Variants in DPP6 observed in about 807,000 individuals in gnomAD.
DPP6 encodes the protein dipeptidyl peptidase like 6.
Under a neutral mutation model 122.6 loss-of-function variants are expected in DPP6, and 69 were observed. The observed-to-expected ratio is 0.56, with a 90% CI of 0.46 to 0.69. The LOEUF (loss-of-function observed/expected upper bound fraction) is 0.69. Ranked by LOEUF, DPP6 falls within the 30% of genes least tolerant of loss-of-function variation. The pLI, the probability that DPP6 is intolerant of heterozygous loss-of-function variation, is 0.00. For missense variants in DPP6, 928 were observed against 1,116.9 expected (o/e 0.83, Z 2.41); for synonymous variants, 418 against 433.1 (o/e 0.97, Z 0.43).
rs145908229 is a variant in DPP6, at chr7:154,596,391, G to A, written c.627+29475G>A. On this transcript the variant is annotated intron_variant, in intron 5 of 25. Coordinates refer to ENST00000377770, the MANE Select transcript of DPP6 (RefSeq NM_130797.4). ...CGCAAGTGCCAGGAATTCACATTCCGCTGACGCGGGAACACGGGCAGTGTA... is the reference window on the plus strand; with the variant it reads ...CGCAAGTGCCAGGAATTCACATTCCACTGACGCGGGAACACGGGCAGTGTA... 1.1e-3 allele frequency among the ~76,000 whole-genome samples: 170 copies of A among 152,360 alleles called. 1 individual carries two copies. The highest frequency in any genetic ancestry group is 3.6e-3 in the African/African-American group (151 of 41,586).
chr7:154,534,568 TTTATAA>T (rs139077991), intron 3 of DPP6, among the ~76,000 whole-genome samples: 4,904 of 152,172 alleles, frequency 0.032, 265 homozygotes, highest in African/African-American at 0.11. Flanking sequence ...CAAAATTAAC[TTTATAA>T]TTACAAACTA....
chr7:154,567,892 T>TA (rs761956879), intron 5 of DPP6, among the ~76,000 whole-genome samples: 4 of 152,240 alleles, frequency 2.6e-5, no homozygotes, highest in Non-Finnish European at 4.4e-5. Context: ...TCTGAATTCT[T>TA]AAACTTTCTT....
chr7:153,985,618 A>G (rs1191701225), intron 1 of DPP6, among the ~76,000 whole-genome samples: 1 of 152,212 alleles, frequency 6.6e-6, no homozygotes, highest in African/African-American at 2.4e-5. Context: ...CTTTGTACTC[A>G]GTAGATTATA....
At chr7:154,251,091 TAA>T (rs1451642028) in intron 1 of DPP6, among the ~76,000 whole-genome samples, 1 of 152,260 alleles carries the variant, frequency 6.6e-6, no homozygotes, top group African/African-American at 2.4e-5. Context: ...AAAATGTTTA[TAA>T]GAGTCTGGCT....
At chr7:154,690,438 C>A (rs981374665) in intron 7 of DPP6, among the ~76,000 whole-genome samples, 10 of 152,128 alleles carry the variant, frequency 6.6e-5, no homozygotes, top group Admixed American at 6.5e-4. Context: ...TTGTAGAAAG[C>A]AGAACTTCAC....
chr7:154,763,997 G>A (rs1025092148), intron 8 of DPP6, among the ~76,000 whole-genome samples: 29 of 151,450 alleles, frequency 1.9e-4, no homozygotes, highest in East Asian at 2.0e-4. Flanking sequence ...GGATTTGGAT[G>A]CCCCACCTCC....
rs190889291 is a variant in DPP6 at position 154,453,158 on chromosome 7, G to C, written c.358+6830G>C. Reference sequence around the variant, plus strand: ...GGGGGTCGGAAACTCCAGCAGGATCGGATTTGCATGAAAACATCCCTGACA... The same window carrying C: ...GGGGGTCGGAAACTCCAGCAGGATCCGATTTGCATGAAAACATCCCTGACA... On this transcript the variant is annotated intron_variant, in intron 2 of 25. Coordinates refer to ENST00000377770, the MANE Select transcript of DPP6 (RefSeq NM_130797.4). Among the ~76,000 whole-genome samples, 51 of 152,252 alleles carry C rather than the reference G, an allele frequency of 3.3e-4. 1 individual carries two copies. The highest frequency in any genetic ancestry group is 1.2e-3 in the African/African-American group (49 of 41,556).
chr7:154,873,974 GCA>G (rs1174193278), intron 19 of DPP6, among the ~76,000 whole-genome samples: 1 of 147,374 alleles, frequency 6.8e-6, no homozygotes, highest in Non-Finnish European at 1.5e-5. Flanking sequence ...GCATACATAA[GCA>G]CACACATGCA....
chr7:154,152,270 T>C (rs1289493632), intron 1 of DPP6, among the ~76,000 whole-genome samples: 1 of 152,096 alleles, frequency 6.6e-6, no homozygotes, highest in Non-Finnish European at 1.5e-5. Context: ...AGGCAGCTGC[T>C]GCCTGTCCAG....
intron 1 of DPP6, among the ~76,000 whole-genome samples, chr7:154,357,192 T>C (rs959108237): frequency 1.3e-5 from 2 of 151,236 alleles, no homozygotes; most frequent in Admixed American, 6.6e-5. Flanking sequence ...TGAAAAAACA[T>C]ACACAGTAGT....
At chr7:154,310,858 G>A (rs957151927) in intron 1 of DPP6, among the ~76,000 whole-genome samples, 7 of 152,148 alleles carry the variant, frequency 4.6e-5, no homozygotes, top group South Asian at 2.1e-4. Context: ...GAATTGTAGC[G>A]TTATTATCTT....
intron 1 of DPP6, among the ~76,000 whole-genome samples, chr7:153,892,817 T>C (rs1799263309): frequency 6.6e-6 from 1 of 152,198 alleles, no homozygotes. Context: ...GTCACAGTTT[T>C]CTGAGAGTTG....
At chr7:153,930,475 A>G (rs924429736) in intron 1 of DPP6, among the ~76,000 whole-genome samples, 8 of 152,156 alleles carry the variant, frequency 5.3e-5, no homozygotes, top group African/African-American at 1.4e-4. Context: ...ATATTTTTCA[A>G]TTGACAAAAT....
chr7:154,773,625 G>A (rs1370765913), intron 10 of DPP6, among the ~76,000 whole-genome samples: 2 of 152,062 alleles, frequency 1.3e-5, no homozygotes, highest in Non-Finnish European at 2.9e-5. Flanking sequence ...AAAAGAGGAG[G>A]GGATTTTAGG....
At chr7:154,767,425 G>T (rs2131540668) in intron 8 of DPP6, among the ~76,000 whole-genome samples, 1 of 152,242 alleles carries the variant, frequency 6.6e-6, no homozygotes, top group South Asian at 2.1e-4. Flanking sequence ...GAGCAGCCTG[G>T]GCAGATCTGG....
rs192664031 is a variant in DPP6 at position 154,819,770 on chromosome 7, A to G, written c.1666+12658A>G. Reference sequence around the variant, plus strand: ...ACTAAAATGTTGAAGAATTTTTGTAAAGTAAACATAAATGGTTCACTGTTA... The same window carrying G: ...ACTAAAATGTTGAAGAATTTTTGTAGAGTAAACATAAATGGTTCACTGTTA... On this transcript the variant is annotated intron_variant, in intron 16 of 25. Transcript: ENST00000377770. 2.0e-4 allele frequency among the ~76,000 whole-genome samples: 31 copies of G among 152,378 alleles called. No homozygotes were observed. In the East Asian group the frequency reaches 6.0e-3, roughly 29 times the overall value.
At chr7:154,770,186 G>T (rs903050284) in intron 9 of DPP6, among the ~76,000 whole-genome samples, 2 of 152,196 alleles carry the variant, frequency 1.3e-5, no homozygotes, top group African/African-American at 4.8e-5. Flanking sequence ...ATTGAGAAAA[G>T]AAAGATTTAT....
At chr7:153,865,731 C>T in the DPP6 span, among the ~76,000 whole-genome samples, 1 of 152,032 alleles carries the variant, frequency 6.6e-6, no homozygotes, top group Admixed American at 6.6e-5. Context: ...ATACATGTGC[C>T]ATGTTTGTGT....
chr7:154,763,509 G>A (rs60083832), intron 8 of DPP6, among the ~76,000 whole-genome samples: 75,119 of 151,910 alleles, frequency 0.49, 19,832 homozygotes, highest in Non-Finnish European at 0.59. Context: ...GGCACAGTTC[G>A]CTTGTCCATA....
Sources: gnomAD v4.1 joint callset for allele counts (sites outside exome capture counted in the v4.1 genomes callset) on GRCh38, gnomAD v4.1.1 for gene constraint, MANE v1.5 for transcripts, NCBI Gene and HGNC (gene_info 2026-07-23, HGNC 2026-07-21) for gene names.